Variants in CNTNAP2 observed in about 807,000 individuals in gnomAD.
CNTNAP2 encodes contactin associated protein 2.
CNTNAP2 carries 98 observed loss-of-function variants against 155.2 expected under a neutral mutation model. That is an observed-to-expected ratio of 0.63 (90% confidence interval 0.54 to 0.75). The LOEUF is 0.75. Ranked by LOEUF, CNTNAP2 falls within the 30% of genes least tolerant of loss-of-function variation. The probability of loss-of-function intolerance (pLI) is 0.00; values close to 1 mark genes in which losing one functional copy is unlikely to be tolerated. For missense variants in CNTNAP2, 1,727 were observed against 1,688.1 expected (o/e 1.02, Z -0.40); for synonymous variants, 651 against 631.2 (o/e 1.03, Z -0.47).
At chr7:147,488,753 TG>T (rs1584766090) in intron 11 of CNTNAP2, among the ~76,000 whole-genome samples, 1 of 152,300 alleles carries the variant, frequency 6.6e-6, no homozygotes, top group Non-Finnish European at 1.5e-5. Context: ...GAGGCCTTTT[TG>T]CTTGGTCACT....
intron 19 of CNTNAP2, among the ~76,000 whole-genome samples, chr7:148,229,151 G>A (rs1241800785): frequency 6.6e-6 from 1 of 152,148 alleles, no homozygotes. Context: ...AGCCGATATG[G>A]GTCAGTAGGC....
At chr7:147,431,123 A>G (rs1395266585) in intron 10 of CNTNAP2, among the ~76,000 whole-genome samples, 1 of 151,978 alleles carries the variant, frequency 6.6e-6, no homozygotes, top group African/African-American at 2.4e-5. Context: ...AGCGCAGGTC[A>G]TATGGTATGA....
At chr7:147,055,220 T>C (rs1448434608) in intron 4 of CNTNAP2, among the ~76,000 whole-genome samples, 1 of 152,186 alleles carries the variant, frequency 6.6e-6, no homozygotes, top group African/African-American at 2.4e-5. Context: ...GGTAAACACT[T>C]AGCAACTTTA....
At chr7:146,505,428 C>T (rs1315474756) in intron 1 of CNTNAP2, among the ~76,000 whole-genome samples, 1 of 152,194 alleles carries the variant, frequency 6.6e-6, no homozygotes, top group Non-Finnish European at 1.5e-5. Flanking sequence ...GGACTTCTGC[C>T]CTGGGTGATG....
intron 3 of CNTNAP2, among the ~76,000 whole-genome samples, chr7:146,972,127 G>A (rs373861869): frequency 2.4e-4 from 37 of 152,030 alleles, no homozygotes; most frequent in African/African-American, 8.9e-4. Flanking sequence ...ATGTTGAGGG[G>A]GAAAATCATC....
At chr7:147,787,222 G>A (rs543139262) in intron 13 of CNTNAP2, among the ~76,000 whole-genome samples, 1 of 152,320 alleles carries the variant, frequency 6.6e-6, no homozygotes, top group South Asian at 2.1e-4. Context: ...TGGTACTGCA[G>A]ATGGCTGGAG....
chr7:147,873,806 T>C (rs1267769693), intron 13 of CNTNAP2, among the ~76,000 whole-genome samples: 1 of 152,112 alleles, frequency 6.6e-6, no homozygotes, highest in Non-Finnish European at 1.5e-5. Context: ...TATGAGCCTG[T>C]AAAATCAAAA....
chr7:148,069,555 G>T (rs1803339502), intron 15 of CNTNAP2, among the ~76,000 whole-genome samples: 1 of 152,120 alleles, frequency 6.6e-6, no homozygotes, highest in Non-Finnish European at 1.5e-5. Context: ...GAGGTCAGGA[G>T]ATTGAGACCA....
chr7:146,489,356 A>C (rs985916239), intron 1 of CNTNAP2, among the ~76,000 whole-genome samples: 1 of 152,322 alleles, frequency 6.6e-6, no homozygotes, highest in South Asian at 2.1e-4. Context: ...GCAAAAAGCT[A>C]ATTTAGTTTT....
intron 12 of CNTNAP2, among the ~76,000 whole-genome samples, chr7:147,585,493 T>C (rs1800601017): frequency 1.3e-5 from 2 of 149,940 alleles, no homozygotes; most frequent in South Asian, 2.1e-4. Flanking sequence ...ATTATAGATA[T>C]ATAGATCTAT....
chr7:147,130,607 G>A (rs1025937125), intron 7 of CNTNAP2, among the ~76,000 whole-genome samples: 1 of 152,116 alleles, frequency 6.6e-6, no homozygotes, highest in Non-Finnish European at 1.5e-5. Flanking sequence ...AATCTTAGAT[G>A]GGATAGAGAC....
chr7:147,784,502 T>TAC (rs1196056494), intron 13 of CNTNAP2, among the ~76,000 whole-genome samples: 1 of 16,890 alleles, frequency 5.9e-5, no homozygotes, highest in Non-Finnish European at 8.7e-5. Flanking sequence ...CTAATATATA[T>TAC]ATATATATAT....
intron 15 of CNTNAP2, among the ~76,000 whole-genome samples, chr7:148,078,684 T>C (rs1400709931): frequency 6.6e-6 from 1 of 152,174 alleles, no homozygotes; most frequent in Non-Finnish European, 1.5e-5. Context: ...TTTCACCATG[T>C]TGTCCAGGCT....
chr7:147,210,127 C>A (rs918411951), intron 8 of CNTNAP2, among the ~76,000 whole-genome samples: 3 of 151,812 alleles, frequency 2.0e-5, no homozygotes, highest in African/African-American at 7.3e-5. Context: ...TAGGGTGGAA[C>A]CCCTCCTCCT....
chr7:146,999,050 G>T (rs760069696), intron 3 of CNTNAP2, among the ~76,000 whole-genome samples: 4 of 151,702 alleles, frequency 2.6e-5, no homozygotes, highest in Non-Finnish European at 5.9e-5. Flanking sequence ...TTGTTATACA[G>T]ATTCATTCTT....
intron 3 of CNTNAP2, among the ~76,000 whole-genome samples, chr7:146,855,248 A>G (rs955080297): frequency 2.0e-5 from 3 of 152,150 alleles, no homozygotes; most frequent in African/African-American, 7.2e-5. Flanking sequence ...TGTCCAATAG[A>G]ACAATAGCTA....
intron 9 of CNTNAP2, among the ~76,000 whole-genome samples, chr7:147,314,514 C>A (rs1157973380): frequency 6.6e-6 from 1 of 150,950 alleles, no homozygotes; most frequent in African/African-American, 2.4e-5. Flanking sequence ...GGAAGAGAGA[C>A]CTTCTCTGTT....
intron 3 of CNTNAP2, among the ~76,000 whole-genome samples, chr7:146,971,565 A>T (rs1216270672): frequency 2.8e-4 from 42 of 152,308 alleles, no homozygotes; most frequent in South Asian, 2.1e-4. Context: ...GAAGCTGGGA[A>T]GTCCAAACTC....
At chr7:146,888,338 T>C (rs1795710205) in intron 3 of CNTNAP2, among the ~76,000 whole-genome samples, 1 of 152,138 alleles carries the variant, frequency 6.6e-6, no homozygotes, top group Admixed American at 6.6e-5. Flanking sequence ...TTTATACATA[T>C]ATGGCTAACA....
Sources: allele counts gnomAD v4.1 joint callset (sites outside exome capture counted in the v4.1 genomes callset), GRCh38; gene constraint gnomAD v4.1.1; transcripts MANE v1.5; gene names NCBI Gene and HGNC (gene_info 2026-07-23, HGNC 2026-07-21).